WASHC2A: variants seen among roughly 807,000 people sequenced by gnomAD.
WASHC2A encodes the protein WASH complex subunit FAM21A.
Under a neutral mutation model 140.3 loss-of-function variants are expected in WASHC2A, and 82 were observed. The ratio of observed to expected loss-of-function variants is 0.58; its 90% confidence interval spans 0.49 to 0.70. WASHC2A has a LOEUF of 0.70. Among genes scored for constraint, WASHC2A ranks in the 30% least tolerant of loss-of-function variants. WASHC2A has a pLI of 0.00. For synonymous variants in WASHC2A, 340 were observed against 560.8 expected (o/e 0.61, Z 5.56); for missense variants, 985 against 1,521.8 (o/e 0.65, Z 5.87).
chr10:50,070,162 A>G (rs1554875736), intron 3 of WASHC2A, among the ~76,000 whole-genome samples: 1 of 152,192 alleles, frequency 6.6e-6, no homozygotes, highest in Non-Finnish European at 1.5e-5. Flanking sequence ...AAAGTTTATG[A>G]TGGCTGAACT....
At chr10:50,094,282 T>A (rs1840219093) in intron 13 of WASHC2A, among the ~76,000 whole-genome samples, 1 of 149,136 alleles carries the variant, frequency 6.7e-6, no homozygotes, top group Admixed American at 6.7e-5. Flanking sequence ...CAACCCAGTG[T>A]GCATTAAAAT....
At chr10:50,125,880 T>C (rs1349639313) in intron 25 of WASHC2A, among the ~76,000 whole-genome samples, 177 bp from the exon 26 acceptor site, 15 of 152,174 alleles carry the variant, frequency 9.9e-5, no homozygotes, top group Non-Finnish European at 1.5e-4. Context: ...AGAGGACTCC[T>C]GTGACAGCCA....
chr10:50,079,477 ACCTCTGCTT>A (rs1838695838), intron 4 of WASHC2A, among the ~76,000 whole-genome samples: 1 of 152,156 alleles, frequency 6.6e-6, no homozygotes, highest in Non-Finnish European at 1.5e-5. Context: ...GCTCACTGCA[ACCTCTGCTT>A]CCTGGGTGCA....
chr10:50,079,135 C>CT (rs1838654454), intron 4 of WASHC2A, among the ~76,000 whole-genome samples: 2 of 150,634 alleles, frequency 1.3e-5, no homozygotes, highest in Non-Finnish European at 3.0e-5. Flanking sequence ...ACACTGACTT[C>CT]TTAGCACTCC....
intron 3 of WASHC2A, among the ~76,000 whole-genome samples, chr10:50,075,859 G>T (rs1838264809): frequency 6.6e-6 from 1 of 151,964 alleles, no homozygotes; most frequent in Non-Finnish European, 1.5e-5. Context: ...AATTGTCATG[G>T]TTATCAATCT....
chr10:50,068,261 A>C, intron 2 of WASHC2A, 34 bp downstream of exon 2: 1 of 1,535,230 alleles, frequency 6.5e-7, no homozygotes, highest in Admixed American at 2.0e-5. Flanking sequence ...CGAGAGCGGC[A>C]GGGGTGACGC....
chr10:50,095,511 A>G lies in WASHC2A; in HGVS notation c.1241-88A>G, dbSNP rs1310347134. Reference sequence around the variant, plus strand: ...ATTTTGTGGATTAACTGAAATGGAAAGTTTTTGGTGGGTGATAATTTTTTT... The same window carrying G: ...ATTTTGTGGATTAACTGAAATGGAAGGTTTTTGGTGGGTGATAATTTTTTT... On this transcript the variant is annotated intron_variant, in intron 14 of 30. Transcript: ENST00000282633. 16 of 1,534,402 alleles carry G rather than the reference A, an allele frequency of 1.0e-5. No individual in the cohort carries two copies. In the African/African-American group the frequency reaches 1.2e-4, roughly 12 times the overall value.
At chr10:50,099,548 C>T (rs1375118850) in intron 16 of WASHC2A, among the ~76,000 whole-genome samples, 7 of 151,324 alleles carry the variant, frequency 4.6e-5, no homozygotes, top group Admixed American at 3.9e-4. Flanking sequence ...TTAAGCCCTT[C>T]TGACTGCTTG....
Position 50,129,600 on chromosome 10 carries a change from A to G in WASHC2A, c.3269A>G (p.Asp1090Gly). Residue 1090 changes from aspartate to glycine, a missense_variant, in exon 29 of 31, where the codon GAC becomes GGC. Asp to Gly is a moderately conservative substitution (Grantham distance 94). Coordinates refer to ENST00000282633, the MANE Select transcript of WASHC2A (RefSeq NM_001005751.3). ...CAGCTCAGAGCAGCCAGTGGAGAAG[A>G]CAGCACTGAGGAGGCCCTGGCAGCT... ...RPQLRAASGEDSTEEALAAAA... is the reference protein window; with the variant it reads ...RPQLRAASGEGSTEEALAAAA... 2 of 1,612,054 alleles carry G rather than the reference A, an allele frequency of 1.2e-6. No homozygotes were observed. The highest frequency in any genetic ancestry group is 2.2e-5 in the South Asian group (2 of 90,990).
At chr10:50,120,197 T>G (rs1196390323) in intron 23 of WASHC2A, among the ~76,000 whole-genome samples, 6 of 148,282 alleles carry the variant, frequency 4.0e-5, no homozygotes, top group Non-Finnish European at 8.8e-5. Flanking sequence ...ATAATGACTA[T>G]TCTAGCTTTT....
chr10:50,069,869 T>G (rs1370792408), intron 3 of WASHC2A, among the ~76,000 whole-genome samples, 158 bp downstream of exon 3: 1 of 152,248 alleles, frequency 6.6e-6, no homozygotes, highest in East Asian at 1.9e-4. Context: ...TTTTTATTTG[T>G]AAAGTTTTAA....
At chr10:50,095,523 G>A in intron 14 of WASHC2A, 76 bp from the exon 15 acceptor site, 3 of 1,559,410 alleles carry the variant, frequency 1.9e-6, no homozygotes, top group Non-Finnish European at 2.6e-6. Context: ...TTTTTGGTGG[G>A]TGATAATTTT....
chr10:50,094,458 G>A (rs1554884036), intron 13 of WASHC2A, among the ~76,000 whole-genome samples: 2 of 151,116 alleles, frequency 1.3e-5, no homozygotes, highest in African/African-American at 2.4e-5. Context: ...ATGAGCCACT[G>A]CACCTGTCCC....
At chr10:50,090,538 TTATATA>T (rs1287651401) in intron 8 of WASHC2A, among the ~76,000 whole-genome samples, 1 of 85,530 alleles carries the variant, frequency 1.2e-5, no homozygotes, top group East Asian at 2.0e-4. Flanking sequence ...ATATTTATAT[TTATATA>T]TATATATTTA....
At chr10:50,089,664 C>T (rs1461796338) in intron 8 of WASHC2A, among the ~76,000 whole-genome samples, 36 of 152,154 alleles carry the variant, frequency 2.4e-4, no homozygotes, top group Admixed American at 2.2e-3. Flanking sequence ...GTGGTATCAT[C>T]CTGGATTTGT....
At chr10:50,078,842 G>C in intron 4 of WASHC2A, 105 bp downstream of exon 4, 1 of 1,608,878 alleles carries the variant, frequency 6.2e-7, no homozygotes, top group Non-Finnish European at 8.5e-7. Context: ...GGTTGGGAAA[G>C]GGAGGGACTG....
intron 19 of WASHC2A, among the ~76,000 whole-genome samples, chr10:50,109,725 A>G (rs1211040929): frequency 2.0e-5 from 3 of 152,176 alleles, no homozygotes; most frequent in Non-Finnish European, 4.4e-5. Context: ...AACAAATATA[A>G]GTTTGATTTT....
At chr10:50,090,959 CT>C (rs1839874157) in intron 9 of WASHC2A, 73 bp downstream of exon 9, 1 of 1,517,978 alleles carries the variant, frequency 6.6e-7, no homozygotes, top group Non-Finnish European at 9.1e-7. Context: ...TTTATTGTGA[CT>C]TACTTTGTAC....
intron 17 of WASHC2A, among the ~76,000 whole-genome samples, chr10:50,103,295 C>T (rs536584588): frequency 3.3e-5 from 5 of 151,272 alleles, no homozygotes; most frequent in Non-Finnish European, 7.4e-5. Flanking sequence ...TGTGGTGGCT[C>T]AAGCCTGTAA....
Sources: gnomAD v4.1 joint callset for allele counts (sites outside exome capture counted in the v4.1 genomes callset) on GRCh38, gnomAD v4.1.1 for gene constraint, MANE v1.5 for transcripts, NCBI Gene and HGNC (gene_info 2026-07-23, HGNC 2026-07-21) for gene names.